The following GPC5 variants were observed in gnomAD, a reference collection of about 807,000 sequenced individuals.
GPC5 encodes glypican-5.
A neutral mutation model predicts 53.9 loss-of-function variants in GPC5; 47 were observed. That is an observed-to-expected ratio of 0.87 (90% CI 0.69 to 1.11). GPC5 has a LOEUF of 1.11. Ranked by LOEUF, GPC5 falls within the 50% of genes most tolerant of loss-of-function variation. The pLI, the probability that GPC5 is intolerant of heterozygous loss-of-function variation, is 0.00. For synonymous variants in GPC5, 286 were observed against 263.3 expected, an observed-to-expected ratio of 1.09 and a Z score of -0.84; for missense variants, 748 against 713.1, an observed-to-expected ratio of 1.05 and a Z score of -0.56.
chr13:91,959,126 T>C (rs72633749), intron 6 of GPC5, among the ~76,000 whole-genome samples: 4,055 of 148,926 alleles, frequency 0.027, 143 homozygotes, highest in African/African-American at 0.083. Flanking sequence ...AGAAAGTTGT[T>C]TTTTTGAAAA....
At chr13:92,447,624 A>T (rs1877882368) in intron 7 of GPC5, 1 of 152,158 alleles carries the variant, frequency 6.6e-6, no homozygotes. Flanking sequence ...GAGTGAAATC[A>T]TATGCTTTTG....
chr13:91,541,432 T>TA (rs1177261829), intron 2 of GPC5, among the ~76,000 whole-genome samples: 2 of 152,194 alleles, frequency 1.3e-5, no homozygotes, highest in Admixed American at 6.5e-5. Flanking sequence ...ACTGCATTCT[T>TA]AGATATACTA....
At chr13:92,530,963 C>T (rs1173502683) in intron 7 of GPC5, among the ~76,000 whole-genome samples, 1 of 152,144 alleles carries the variant, frequency 6.6e-6, no homozygotes, top group Non-Finnish European at 1.5e-5. Flanking sequence ...TGCTTAAATC[C>T]TTCAGTAGTT....
chr13:91,651,232 A>ATT lies in GPC5; in HGVS notation c.326-41947_326-41946dup, dbSNP rs61596864. Among the ~76,000 whole-genome samples the ATT allele has an allele frequency of 9.0e-3, 1,364 of 151,532 alleles. 20 individuals are homozygous for ATT. Among genetic ancestry groups the ATT allele is most frequent in the South Asian group, 0.034 (162 of 4,796 alleles). On this transcript the variant is annotated intron_variant, in intron 2 of 7. Transcript: ENST00000377067. ...GCAATTCATCTCAAATTACAGACAC[A>ATT]TTTTTTTTTCTCATTAAAGGCACAT...
At chr13:92,615,787 G>T (rs777054832) in intron 7 of GPC5, among the ~76,000 whole-genome samples, 1 of 152,108 alleles carries the variant, frequency 6.6e-6, no homozygotes, top group Non-Finnish European at 1.5e-5. Flanking sequence ...GGGCGCGGTG[G>T]CTCAAGTCTG....
intron 7 of GPC5, among the ~76,000 whole-genome samples, chr13:92,172,043 T>C (rs1309314870): frequency 6.6e-6 from 1 of 152,218 alleles, no homozygotes; most frequent in African/African-American, 2.4e-5. Context: ...TACAATAGAT[T>C]GTTAGTTCTG....
At chr13:92,797,123 T>C (rs145068954) in intron 7 of GPC5, among the ~76,000 whole-genome samples, 1 of 151,940 alleles carries the variant, frequency 6.6e-6, no homozygotes, top group African/African-American at 2.4e-5. Context: ...TCATTACTTT[T>C]AAAATGAGAA....
chr13:91,497,936 G>A (rs1385873366), intron 2 of GPC5, among the ~76,000 whole-genome samples: 1 of 152,050 alleles, frequency 6.6e-6, no homozygotes, highest in African/African-American at 2.4e-5. Flanking sequence ...TATCCTTTGT[G>A]TTACAAACAA....
At chr13:92,431,922 A>G (rs575716786) in intron 7 of GPC5, among the ~76,000 whole-genome samples, 1 of 152,288 alleles carries the variant, frequency 6.6e-6, no homozygotes, top group African/African-American at 2.4e-5. Context: ...GTGCTGGCAG[A>G]TTGTAGGAAG....
At chr13:92,644,013 T>C (rs1478857262) in intron 7 of GPC5, among the ~76,000 whole-genome samples, 2 of 152,170 alleles carry the variant, frequency 1.3e-5, no homozygotes, top group African/African-American at 4.8e-5. Context: ...CTGCATAATT[T>C]TGAAACTAAG....
At chr13:92,054,810 C>T (rs1303268420) in intron 6 of GPC5, among the ~76,000 whole-genome samples, 1 of 149,974 alleles carries the variant, frequency 6.7e-6, no homozygotes, top group African/African-American at 2.4e-5. Context: ...TTAACATCAC[C>T]TCAATAGATA....
At chr13:91,649,107 C>A (rs2034633586) in intron 2 of GPC5, among the ~76,000 whole-genome samples, 1 of 152,188 alleles carries the variant, frequency 6.6e-6, no homozygotes, top group South Asian at 2.1e-4. Context: ...CTTATCCTTC[C>A]TGCCACCGTG....
intron 7 of GPC5, among the ~76,000 whole-genome samples, chr13:92,278,040 T>A (rs1340077709): frequency 6.6e-6 from 1 of 151,912 alleles, no homozygotes; most frequent in Non-Finnish European, 1.5e-5. Context: ...AGGCTATTAC[T>A]CTCTGGAGTT....
chr13:92,834,753 G>A lies in GPC5; in HGVS notation c.1562-31529G>A, dbSNP rs138205063. On this transcript the variant is annotated intron_variant, in intron 7 of 7. Transcript: ENST00000377067. ...GAGAAAATGTATAAAGAGATAATTG[G>A]TATCTAATGTGAAGCTATCTCTTTG... Among the ~76,000 whole-genome samples, 133 of 152,164 alleles carry A rather than the reference G, an allele frequency of 8.7e-4. 1 individual carries two copies. Among genetic ancestry groups the A allele is most frequent in the Middle Eastern group, 3.4e-3 (1 of 294 alleles).
intron 7 of GPC5, among the ~76,000 whole-genome samples, chr13:92,161,056 A>G (rs1181662460): frequency 8.6e-6 from 1 of 116,168 alleles, no homozygotes; most frequent in Non-Finnish European, 1.8e-5. Flanking sequence ...TTTTTTTTTT[A>G]TGAGTTGTAC....
chr13:91,625,552 G>T (rs557222388), intron 2 of GPC5, among the ~76,000 whole-genome samples: 1 of 152,036 alleles, frequency 6.6e-6, no homozygotes, highest in Admixed American at 6.6e-5. Flanking sequence ...GATGGGTAGA[G>T]AAAAATGAAG....
intron 2 of GPC5, among the ~76,000 whole-genome samples, chr13:91,481,180 T>C (rs1883280263): frequency 6.6e-6 from 1 of 152,188 alleles, no homozygotes; most frequent in Admixed American, 6.5e-5. Context: ...GTGGTGAGCA[T>C]TCACATGAGA....
chr13:91,419,125 A>G (rs995164114), intron 1 of GPC5, among the ~76,000 whole-genome samples: 8 of 152,124 alleles, frequency 5.3e-5, no homozygotes, highest in African/African-American at 1.9e-4. Flanking sequence ...ATAAAACTTC[A>G]AGAATAGCTA....
At chr13:92,526,582 A>T (rs1248167966) in intron 7 of GPC5, among the ~76,000 whole-genome samples, 1 of 152,028 alleles carries the variant, frequency 6.6e-6, no homozygotes, top group African/African-American at 2.4e-5. Context: ...GGGAAGACAT[A>T]GAAGGATTTT....
Sources: gnomAD v4.1 joint callset for allele counts (sites outside exome capture counted in the v4.1 genomes callset) on GRCh38, gnomAD v4.1.1 for gene constraint, MANE v1.5 for transcripts, NCBI Gene and HGNC (gene_info 2026-07-23, HGNC 2026-07-21) for gene names.